NKAIN2: variants seen among roughly 807,000 people sequenced by gnomAD.
NKAIN2 encodes sodium/potassium-transporting ATPase subunit beta-1-interacting protein 2.
NKAIN2 carries 14 observed loss-of-function variants against 32.6 expected under a neutral mutation model. That is an observed-to-expected ratio of 0.43 (90% CI 0.28 to 0.67). The LOEUF (loss-of-function observed/expected upper bound fraction) is 0.67. Ranked by LOEUF, NKAIN2 falls within the 30% of genes least tolerant of loss-of-function variation. NKAIN2 has a pLI of 0.17. For missense variants in NKAIN2, 198 were observed against 258.3 expected, an observed-to-expected ratio of 0.77 and a Z score of 1.60; for synonymous variants, 80 against 87.2, an observed-to-expected ratio of 0.92 and a Z score of 0.46.
At chr6:124,613,492 G>A (rs909234404) in intron 3 of NKAIN2, among the ~76,000 whole-genome samples, 2 of 152,216 alleles carry the variant, frequency 1.3e-5, no homozygotes, top group Non-Finnish European at 2.9e-5. Flanking sequence ...TCACAGGGAA[G>A]AGATTGTGCC....
At chr6:124,008,995 G>A (rs771110513) in intron 1 of NKAIN2, among the ~76,000 whole-genome samples, 8 of 152,010 alleles carry the variant, frequency 5.3e-5, no homozygotes, top group Admixed American at 2.6e-4. Flanking sequence ...ACTTTAAGAC[G>A]GTATTCCATA....
intron 3 of NKAIN2, among the ~76,000 whole-genome samples, chr6:124,379,327 G>A (rs1011290034): frequency 5.5e-5 from 8 of 144,726 alleles, no homozygotes; most frequent in Non-Finnish European, 1.2e-4. Context: ...AGAAAGAAGG[G>A]AGGAGAGAGG....
intron 4 of NKAIN2, among the ~76,000 whole-genome samples, chr6:124,705,026 T>G (rs1438581845): frequency 6.6e-6 from 1 of 152,014 alleles, no homozygotes; most frequent in Non-Finnish European, 1.5e-5. Flanking sequence ...TTAAAAAAAG[T>G]TTCTGCTAAA....
intron 4 of NKAIN2, among the ~76,000 whole-genome samples, chr6:124,734,465 T>C (rs34122402): frequency 0.32 from 47,929 of 151,300 alleles, 7,698 homozygotes; most frequent in Admixed American, 0.36. Context: ...GGTCCCTTAC[T>C]ACCTAAATTC....
Position 123,906,802 on chromosome 6 carries a change from CAAT to C in NKAIN2, c.54+102551_54+102553del, listed in dbSNP as rs1193544698. Among the ~76,000 whole-genome samples the C allele has an allele frequency of 2.6e-5, 4 of 152,216 alleles. No homozygotes were observed. The East Asian group carries it at 7.7e-4, about 29-fold the overall frequency. ...TAAAGTTGTCCATCAAACTACTTGA[CAAT>C]AACATCTCATTTATAAACATCATTC... is the stretch of plus-strand genomic sequence containing the variant. On this transcript the variant is annotated intron_variant, in intron 1 of 6. Transcript: ENST00000368417.
chr6:124,611,235 C>T (rs1456891425), intron 3 of NKAIN2, among the ~76,000 whole-genome samples: 2 of 151,680 alleles, frequency 1.3e-5, no homozygotes, highest in Non-Finnish European at 2.9e-5. Flanking sequence ...GGTTAAAGGG[C>T]TAGAAATTTA....
Position 124,689,365 on chromosome 6 carries a change from A to T in NKAIN2, c.474+30979A>T, listed in dbSNP as rs571705427. On this transcript the variant is annotated intron_variant, in intron 4 of 6. Transcript: ENST00000368417. ...TGTGTATTTTGGATTGCAGTCCTTT[A>T]TCATATATGTTTTTGGAAAATGTTT... 5.9e-5 allele frequency among the ~76,000 whole-genome samples: 9 copies of T among 152,166 alleles called. No individual in the cohort carries two copies. The East Asian group carries it at 1.7e-3, about 29-fold the overall frequency.
At chr6:124,269,092 T>G (rs948326396) in intron 1 of NKAIN2, among the ~76,000 whole-genome samples, 1 of 152,194 alleles carries the variant, frequency 6.6e-6, no homozygotes, top group Non-Finnish European at 1.5e-5. Flanking sequence ...TTAAGGTACC[T>G]TGACAGAACT....
intron 1 of NKAIN2, among the ~76,000 whole-genome samples, chr6:124,157,264 CACAT>C (rs57690242): frequency 0.29 from 34,533 of 119,724 alleles, 4,988 homozygotes; most frequent in Non-Finnish European, 0.38. Context: ...CACACACACA[CACAT>C]ACACACACAC....
intron 1 of NKAIN2, among the ~76,000 whole-genome samples, chr6:123,903,931 A>C (rs1343429237): frequency 1.3e-5 from 2 of 151,682 alleles, no homozygotes; most frequent in South Asian, 2.1e-4. Flanking sequence ...TTTCTAAAGA[A>C]AACAAGAAAT....
intron 1 of NKAIN2, among the ~76,000 whole-genome samples, chr6:123,898,949 CT>C (rs550679665): frequency 6.6e-6 from 1 of 152,302 alleles, no homozygotes; most frequent in African/African-American, 2.4e-5. Flanking sequence ...AAACTGAAGA[CT>C]TTTTTCTGGT....
At chr6:124,627,005 C>T (rs949165907) in intron 3 of NKAIN2, among the ~76,000 whole-genome samples, 37 of 152,164 alleles carry the variant, frequency 2.4e-4, no homozygotes, top group Admixed American at 1.6e-3. Context: ...CATGGTGGCT[C>T]ACACCAGTAA....
chr6:124,379,525 G>A (rs1192455407), intron 3 of NKAIN2, among the ~76,000 whole-genome samples: 1 of 151,806 alleles, frequency 6.6e-6, no homozygotes, highest in Non-Finnish European at 1.5e-5. Context: ...TTCTGAATTG[G>A]CCCCGATACA....
At chr6:124,337,966 C>T (rs112133905) in intron 2 of NKAIN2, among the ~76,000 whole-genome samples, 13 of 152,084 alleles carry the variant, frequency 8.5e-5, no homozygotes, top group South Asian at 8.3e-4. Context: ...GTGTACCTTA[C>T]GCATAGTATC....
chr6:124,021,516 T>C (rs1207561574), intron 1 of NKAIN2, among the ~76,000 whole-genome samples: 1 of 152,046 alleles, frequency 6.6e-6, no homozygotes, highest in Non-Finnish European at 1.5e-5. Context: ...TATATTACTC[T>C]GAATACTATC....
At chr6:124,115,106 A>G (rs1044499018) in intron 1 of NKAIN2, among the ~76,000 whole-genome samples, 3 of 152,178 alleles carry the variant, frequency 2.0e-5, no homozygotes, top group African/African-American at 4.8e-5. Context: ...TAAAAAAGGA[A>G]GTTTTGTATT....
At chr6:124,704,036 G>A (rs764559888) in intron 4 of NKAIN2, among the ~76,000 whole-genome samples, 1 of 151,968 alleles carries the variant, frequency 6.6e-6, no homozygotes, top group African/African-American at 2.4e-5. Context: ...ATAATTGCAT[G>A]TATACCAAAA....
chr6:124,629,113 C>A (rs1039403201), intron 3 of NKAIN2, among the ~76,000 whole-genome samples: 1 of 152,062 alleles, frequency 6.6e-6, no homozygotes, highest in Non-Finnish European at 1.5e-5. Flanking sequence ...ATCTTTTTCC[C>A]TGAGGAGGAA....
At chr6:124,754,176 T>C (rs927469667) in intron 4 of NKAIN2, among the ~76,000 whole-genome samples, 2 of 152,066 alleles carry the variant, frequency 1.3e-5, no homozygotes, top group Admixed American at 1.3e-4. Context: ...CCTGAGAACC[T>C]GGAAACCTGA....
Sources: gnomAD v4.1 joint callset for allele counts (sites outside exome capture counted in the v4.1 genomes callset) on GRCh38, gnomAD v4.1.1 for gene constraint, MANE v1.5 for transcripts, NCBI Gene and HGNC (gene_info 2026-07-23, HGNC 2026-07-21) for gene names.